The following TLR6 variants were observed in gnomAD, a reference collection of about 807,000 sequenced individuals.
The protein encoded by TLR6 is toll-like receptor 6.
TLR6 carries 9 observed loss-of-function variants against 16.1 expected under a neutral mutation model. That is an observed-to-expected ratio of 0.56 (90% confidence interval 0.34 to 0.98). TLR6 has a LOEUF of 0.98. Ranked by LOEUF, TLR6 falls within the 50% of genes least tolerant of loss-of-function variation. The pLI is 0.02. For missense variants in TLR6, 786 were observed against 921.0 expected (o/e 0.85, Z 1.90); for synonymous variants, 340 against 338.6 (o/e 1.00, Z -0.04).
chr4:38,839,451 T>C (rs61198556), intron 1 of TLR6, among the ~76,000 whole-genome samples: 27,248 of 151,842 alleles, frequency 0.18, 4,850 homozygotes, highest in African/African-American at 0.45. Context: ...CTTTTATCCT[T>C]CCCCACCACC....
chr4:38,828,544 T>C lies in TLR6; in HGVS notation c.930A>G (p.Glu310=), dbSNP rs779690758. 6 of 1,613,988 alleles carry C rather than the reference T, an allele frequency of 3.7e-6. No individual in the cohort carries two copies. The East Asian group carries it at 1.1e-4, about 30-fold the overall frequency. Residue 310 remains glutamate (E), a synonymous_variant, in exon 2 of 2, where the codon GAA becomes GAG. Coordinates refer to ENST00000436693, the Ensembl canonical transcript of TLR6. ...ACAGAAAAACTTGGTTCGTGATATGTTCTATTGTCAATGCTTTCAATGTCG... is the reference window on the plus strand; with the variant it reads ...ACAGAAAAACTTGGTTCGTGATATGCTCTATTGTCAATGCTTTCAATGTCG...
At chr4:38,837,712 A>G (rs1712006516) in intron 1 of TLR6, among the ~76,000 whole-genome samples, 1 of 152,132 alleles carries the variant, frequency 6.6e-6, no homozygotes, top group Admixed American at 6.5e-5. Context: ...TAAAATTTCA[A>G]AAGTACAGGC....
chr4:38,828,701 T>G, exon 2 of TLR6: 1 of 1,614,142 alleles, frequency 6.2e-7, no homozygotes, highest in African/African-American at 1.3e-5. Context: ...CGTTTCTATG[T>G]GGTTGAGGGT....
intron 1 of TLR6, among the ~76,000 whole-genome samples, chr4:38,854,226 A>G (rs1160177740): frequency 6.6e-6 from 1 of 152,200 alleles, no homozygotes. Flanking sequence ...TCTAGATGAA[A>G]CTCATGATCT....
At chr4:38,827,168 T>C in exon 2 of TLR6, 1 of 1,614,202 alleles carries the variant, frequency 6.2e-7, no homozygotes, top group East Asian at 2.2e-5. Flanking sequence ...GAGCCCACGT[T>C]TGCTTTTCTC....
intron 1 of TLR6, among the ~76,000 whole-genome samples, chr4:38,831,137 G>A (rs932871148): frequency 6.6e-6 from 1 of 151,982 alleles, no homozygotes; most frequent in Non-Finnish European, 1.5e-5. Context: ...TTTGGTGAAA[G>A]AATAGACAAA....
chr4:38,862,312 T>TCCCATCA, the TLR6 span, among the ~76,000 whole-genome samples: 1 of 152,154 alleles, frequency 6.6e-6, no homozygotes, highest in African/African-American at 2.4e-5. Context: ...AAGGTTTCAC[T>TCCCATCA]CCCATCACCC....
At chr4:38,829,236 C>G (rs1313344160) in exon 2 of TLR6, 1 of 1,614,170 alleles carries the variant, frequency 6.2e-7, no homozygotes, top group South Asian at 1.1e-5. Context: ...AGTCTCAAAA[C>G]TGTCAACTCT....
chr4:38,849,354 G>T (rs1188669559), intron 1 of TLR6, among the ~76,000 whole-genome samples: 2 of 152,210 alleles, frequency 1.3e-5, no homozygotes, highest in Admixed American at 6.5e-5. Context: ...TTGATGCTAG[G>T]AAGAAACTGC....
chr4:38,857,388 A>C (rs191759073), upstream of TLR6, among the ~76,000 whole-genome samples: 287 of 152,342 alleles, frequency 1.9e-3, 1 homozygote, highest in African/African-American at 6.2e-3. Context: ...TAAATGGTTT[A>C]GATTTTAATT....
intron 1 of TLR6, among the ~76,000 whole-genome samples, chr4:38,849,303 G>A (rs538218515): frequency 1.3e-4 from 20 of 152,240 alleles, no homozygotes; most frequent in East Asian, 7.7e-4. Context: ...AGGAAGAACC[G>A]GTACCAGCCA....
chr4:38,860,994 C>G (rs890503269), upstream of TLR6, among the ~76,000 whole-genome samples: 2 of 152,092 alleles, frequency 1.3e-5, no homozygotes, highest in Non-Finnish European at 2.9e-5. Flanking sequence ...AATCAGGGGA[C>G]TGAGACCTAC....
chr4:38,837,333 C>T (rs562455719), intron 1 of TLR6, among the ~76,000 whole-genome samples: 21 of 152,222 alleles, frequency 1.4e-4, no homozygotes, highest in South Asian at 1.0e-3. Flanking sequence ...TGACTTCAAA[C>T]GATACTGCAA....
chr4:38,837,482 C>T (rs761321750), intron 1 of TLR6, among the ~76,000 whole-genome samples: 9 of 152,098 alleles, frequency 5.9e-5, no homozygotes, highest in Admixed American at 2.0e-4. Context: ...GGGGAAAGAC[C>T]ACTCTCTTCA....
chr4:38,835,113 T>A (rs1018054449), intron 1 of TLR6, among the ~76,000 whole-genome samples: 2 of 152,176 alleles, frequency 1.3e-5, no homozygotes, highest in African/African-American at 2.4e-5. Flanking sequence ...AAATAAGTCG[T>A]TACCTATCAG....
At chr4:38,844,318 C>G (rs1341245322) in intron 1 of TLR6, among the ~76,000 whole-genome samples, 1 of 152,014 alleles carries the variant, frequency 6.6e-6, no homozygotes, top group African/African-American at 2.4e-5. Context: ...AGTTGGGCAA[C>G]GATAGGAGAA....
chr4:38,846,052 G>A lies in TLR6; in HGVS notation c.-65+10709C>T, dbSNP rs565682345. ...GGTTGCAGTGAGCTGAGATTGTGCC[G>A]CTGTACTCCAGGCTGGGCCACAGAG... On this transcript the variant is annotated intron_variant, in intron 1 of 1. Coordinates refer to ENST00000436693, the Ensembl canonical transcript of TLR6. Among the ~76,000 whole-genome samples, 24 of 146,226 alleles carry A rather than the reference G, an allele frequency of 1.6e-4. 1 individual carries two copies. The highest frequency in any genetic ancestry group is 3.6e-3 in the Middle Eastern group (1 of 276).
upstream of TLR6, among the ~76,000 whole-genome samples, chr4:38,861,231 T>C (rs1250613075): frequency 6.6e-6 from 1 of 152,092 alleles, no homozygotes; most frequent in Non-Finnish European, 1.5e-5. Flanking sequence ...ACCACCCCTT[T>C]CATAATTCTA....
exon 2 of TLR6, chr4:38,828,496 G>A (rs771287118): frequency 4.8e-5 from 78 of 1,613,986 alleles, no homozygotes; most frequent in Non-Finnish European, 6.0e-5. Context: ...CAGAAAACAC[G>A]GTGTACAAAG....
Sources: allele counts gnomAD v4.1 joint callset (sites outside exome capture counted in the v4.1 genomes callset), GRCh38; gene constraint gnomAD v4.1.1; transcripts MANE v1.5; gene names NCBI Gene and HGNC (gene_info 2026-07-23, HGNC 2026-07-21).